Variants in WWOX observed in about 807,000 individuals in gnomAD.
WWOX encodes the protein WW domain-containing oxidoreductase.
A neutral mutation model predicts 46.2 loss-of-function variants in WWOX; 69 were observed. The observed-to-expected ratio is 1.49, with a 90% CI of 1.23 to 1.82. The LOEUF (loss-of-function observed/expected upper bound fraction) is 1.82. WWOX is among the 40% of genes most tolerant of loss of function. The probability of loss-of-function intolerance (pLI) is 0.00; values close to 1 mark genes in which losing one functional copy is unlikely to be tolerated. For synonymous variants in WWOX, 359 were observed against 202.6 expected (o/e 1.77, Z -6.56); for missense variants, 919 against 542.6 (o/e 1.69, Z -6.89).
intron 8 of WWOX, among the ~76,000 whole-genome samples, chr16:78,700,823 C>T (rs2048199380): frequency 6.6e-6 from 1 of 152,140 alleles, no homozygotes; most frequent in South Asian, 2.1e-4. Flanking sequence ...GAATGATTTC[C>T]AACTAATGGA....
At chr16:79,064,171 A>G (rs796493650) in intron 8 of WWOX, among the ~76,000 whole-genome samples, 37 of 152,332 alleles carry the variant, frequency 2.4e-4, no homozygotes, top group African/African-American at 8.7e-4. Context: ...GTGGGTTTAG[A>G]TGCAATTTGT....
chr16:78,444,612 C>T lies in WWOX; in HGVS notation c.1056+11860C>T, dbSNP rs997066421. 5.3e-4 allele frequency among the ~76,000 whole-genome samples: 80 copies of T among 149,920 alleles called. 1 individual carries two copies. Among genetic ancestry groups the T allele is most frequent in the African/African-American group, 1.9e-3 (75 of 40,330 alleles). ...TGGGGCGATCTCGGCTCACTGCAAACCTCTGCCTCCCGGGTTCAAGCAATT... is the reference window on the plus strand; with the variant it reads ...TGGGGCGATCTCGGCTCACTGCAAATCTCTGCCTCCCGGGTTCAAGCAATT... On this transcript the variant is annotated intron_variant, in intron 8 of 8. Transcript: ENST00000566780.
chr16:78,878,487 A>G lies in WWOX; in HGVS notation c.1057-333121A>G, dbSNP rs117805510. 1.6e-3 allele frequency among the ~76,000 whole-genome samples: 243 copies of G among 152,294 alleles called. 1 individual carries two copies. The East Asian group carries it at 0.031, about 19-fold the overall frequency. On this transcript the variant is annotated intron_variant, in intron 8 of 8. Coordinates refer to ENST00000566780, the MANE Select transcript of WWOX (RefSeq NM_016373.4). The stretch of plus-strand genomic sequence containing the variant: ...TTTTATAGGGCTTGGGGGAGCATCA[A>G]ATGAAATAACACATATAAAAGGCTT...
intron 8 of WWOX, among the ~76,000 whole-genome samples, chr16:78,644,990 A>C (rs1014925590): frequency 2.0e-4 from 30 of 152,170 alleles, no homozygotes; most frequent in African/African-American, 7.2e-4. Context: ...TCTACTCTTC[A>C]ATGAGTTTAA....
chr16:78,195,524 AT>A (rs1165679860), intron 5 of WWOX, among the ~76,000 whole-genome samples: 1 of 151,884 alleles, frequency 6.6e-6, no homozygotes, highest in Non-Finnish European at 1.5e-5. Context: ...CACATTAGTG[AT>A]TTCTAAGTGC....
intron 8 of WWOX, among the ~76,000 whole-genome samples, chr16:78,609,574 C>G (rs952697974): frequency 1.3e-5 from 2 of 150,896 alleles, no homozygotes; most frequent in Non-Finnish European, 2.9e-5. Context: ...ACTCCTCATA[C>G]CCCTCCTAGG....
intron 8 of WWOX, among the ~76,000 whole-genome samples, chr16:79,097,292 G>A (rs2049095853): frequency 2.0e-5 from 3 of 151,202 alleles, no homozygotes. Flanking sequence ...ATTTATTCAA[G>A]ATCCGAGATG....
intron 8 of WWOX, among the ~76,000 whole-genome samples, chr16:78,701,503 C>T (rs1197118202): frequency 1.3e-5 from 2 of 152,126 alleles, no homozygotes; most frequent in Non-Finnish European, 2.9e-5. Flanking sequence ...CTCTCTCTAC[C>T]TCTATCTCTT....
chr16:79,108,124 G>A (rs78726035), intron 8 of WWOX, among the ~76,000 whole-genome samples: 3,378 of 152,244 alleles, frequency 0.022, 146 homozygotes, highest in African/African-American at 0.077. Context: ...ATAATTGGGG[G>A]GAAACCTAAA....
chr16:78,839,631 C>T lies in WWOX; in HGVS notation c.1057-371977C>T, dbSNP rs550973856. ...CATATTTATTTTCTCATTTTAGTTTCTCCAGGTTCTCACTGTTATGGAGGG... is the reference window on the plus strand; with the variant it reads ...CATATTTATTTTCTCATTTTAGTTTTTCCAGGTTCTCACTGTTATGGAGGG... On this transcript the variant is annotated intron_variant, in intron 8 of 8. Coordinates refer to ENST00000566780, the MANE Select transcript of WWOX (RefSeq NM_016373.4). 2.6e-5 allele frequency among the ~76,000 whole-genome samples: 4 copies of T among 152,222 alleles called. No individual in the cohort carries two copies. The South Asian group carries it at 6.2e-4, about 24-fold the overall frequency.
intron 5 of WWOX, among the ~76,000 whole-genome samples, chr16:78,272,320 T>C (rs1382081537): frequency 6.6e-6 from 1 of 151,954 alleles, no homozygotes; most frequent in Non-Finnish European, 1.5e-5. Flanking sequence ...TGAGGGACTC[T>C]TACCCAGAGC....
At chr16:79,087,281 C>T (rs55881865) in intron 8 of WWOX, among the ~76,000 whole-genome samples, 2,102 of 152,254 alleles carry the variant, frequency 0.014, 51 homozygotes, top group African/African-American at 0.048. Flanking sequence ...TGGGGACCTC[C>T]GGAATGTTCT....
chr16:78,963,077 C>T (rs193160812), intron 8 of WWOX, among the ~76,000 whole-genome samples: 39 of 152,306 alleles, frequency 2.6e-4, no homozygotes, highest in African/African-American at 9.4e-4. Context: ...CTCTGATATG[C>T]ACCACCTAGA....
At chr16:78,234,244 C>G (rs1036752660) in intron 5 of WWOX, among the ~76,000 whole-genome samples, 1 of 151,986 alleles carries the variant, frequency 6.6e-6, no homozygotes, top group African/African-American at 2.4e-5. Context: ...GTTCAAAATG[C>G]TCTAATCCCT....
intron 8 of WWOX, among the ~76,000 whole-genome samples, chr16:78,851,908 T>G (rs1218798579): frequency 6.6e-6 from 1 of 152,210 alleles, no homozygotes; most frequent in Non-Finnish European, 1.5e-5. Flanking sequence ...TTTAAACCCT[T>G]CATGCCCATC....
intron 5 of WWOX, among the ~76,000 whole-genome samples, chr16:78,383,392 A>C (rs758061752): frequency 6.6e-6 from 1 of 152,182 alleles, no homozygotes; most frequent in Non-Finnish European, 1.5e-5. Flanking sequence ...TTAGTTTCAA[A>C]TAAAAGTTAA....
intron 8 of WWOX, among the ~76,000 whole-genome samples, chr16:78,533,880 T>C (rs114045926): frequency 0.014 from 2,201 of 152,254 alleles, 46 homozygotes; most frequent in African/African-American, 0.048. Context: ...GTGAGCCCTT[T>C]GAGGATGGAT....
At chr16:78,520,419 G>C (rs2043323414) in intron 8 of WWOX, among the ~76,000 whole-genome samples, 1 of 152,168 alleles carries the variant, frequency 6.6e-6, no homozygotes, top group African/African-American at 2.4e-5. Flanking sequence ...TTTCGAGGCT[G>C]GAAAGGCAGG....
At chr16:78,432,812 G>C in intron 8 of WWOX, 60 bp downstream of exon 8, 13 of 1,612,548 alleles carry the variant, frequency 8.1e-6, no homozygotes, top group Non-Finnish European at 1.1e-5. Flanking sequence ...CTGCACACTT[G>C]TGTCTCCACC....
Sources: gnomAD v4.1 joint callset for allele counts (sites outside exome capture counted in the v4.1 genomes callset) on GRCh38, gnomAD v4.1.1 for gene constraint, MANE v1.5 for transcripts, NCBI Gene and HGNC (gene_info 2026-07-23, HGNC 2026-07-21) for gene names.